IQSEC1: variants seen among roughly 807,000 people sequenced by gnomAD.
IQSEC1 encodes the protein IQ motif and Sec7 domain ArfGEF 1.
IQSEC1 carries 31 observed loss-of-function variants against 91.0 expected under a neutral mutation model. The ratio of observed to expected loss-of-function variants is 0.34; its 90% CI spans 0.26 to 0.46. The LOEUF (loss-of-function observed/expected upper bound fraction) is 0.46. Among genes scored for constraint, IQSEC1 ranks in the 20% least tolerant of loss-of-function variants. IQSEC1 has a pLI of 1.00. For missense variants in IQSEC1, 1,388 were observed against 1,575.6 expected, an observed-to-expected ratio of 0.88 and a Z score of 2.02; for synonymous variants, 699 against 662.6, an observed-to-expected ratio of 1.05 and a Z score of -0.84.
At chr3:13,011,349 G>A (rs1463547113) in intron 1 of IQSEC1, among the ~76,000 whole-genome samples, 1 of 152,178 alleles carries the variant, frequency 6.6e-6, no homozygotes, top group African/African-American at 2.4e-5. Flanking sequence ...TATTTTACTT[G>A]GGGATAATCA....
At chr3:12,989,075 C>CTTCCA (rs1161162548) in intron 1 of IQSEC1, among the ~76,000 whole-genome samples, 1 of 152,246 alleles carries the variant, frequency 6.6e-6, no homozygotes, top group Non-Finnish European at 1.5e-5. Context: ...TGGAAGAGTT[C>CTTCCA]TTCCATTGCA....
chr3:12,899,461 C>A lies in IQSEC1; in HGVS notation c.*1522G>T. ...TACAAAGTATGGCCCGTGGGTGACTCGGGCACAGACCTGCCGCGTGCAGGT... is the reference window on the plus strand; with the variant it reads ...TACAAAGTATGGCCCGTGGGTGACTAGGGCACAGACCTGCCGCGTGCAGGT... On this transcript the variant is annotated 3_prime_UTR_variant, in exon 14 of 14. Coordinates refer to ENST00000613206, the MANE Select transcript of IQSEC1 (RefSeq NM_001134382.3). The A allele has an allele frequency of 6.2e-7, 1 of 1,603,824 alleles. No homozygotes were observed. The highest frequency in any genetic ancestry group is 8.5e-7 in the Non-Finnish European group (1 of 1,175,828).
intron 2 of IQSEC1, among the ~76,000 whole-genome samples, chr3:13,132,204 T>C (rs560078034): frequency 2.2e-4 from 34 of 152,310 alleles, no homozygotes; most frequent in Middle Eastern, 3.4e-3. Flanking sequence ...TTTAAGCTTG[T>C]TAGGTGGGTC....
At chr3:13,086,018 G>A (rs529325230) in intron 2 of IQSEC1, among the ~76,000 whole-genome samples, 21 of 152,344 alleles carry the variant, frequency 1.4e-4, no homozygotes, top group Non-Finnish European at 2.1e-4. Flanking sequence ...AACTTGGGCC[G>A]CCGCAGGGCT....
At chr3:13,095,125 CT>C (rs1705932310) in intron 2 of IQSEC1, among the ~76,000 whole-genome samples, 1 of 152,008 alleles carries the variant, frequency 6.6e-6, no homozygotes. Context: ...GCCCAAGAAT[CT>C]ACCTCCATCT....
chr3:12,929,324 G>A (rs897733334), intron 3 of IQSEC1, among the ~76,000 whole-genome samples: 38 of 152,214 alleles, frequency 2.5e-4, no homozygotes, highest in Admixed American at 3.9e-4. Context: ...GAACTCACCC[G>A]GGGTGATGCC....
chr3:13,066,492 T>C (rs1705233827), intron 1 of IQSEC1, among the ~76,000 whole-genome samples: 6 of 152,166 alleles, frequency 3.9e-5, no homozygotes, highest in African/African-American at 9.7e-5. Flanking sequence ...CAGGCTGGGC[T>C]GTGAGGTCTG....
intron 1 of IQSEC1, among the ~76,000 whole-genome samples, chr3:13,272,652 C>T (rs1184259293): frequency 1.3e-5 from 2 of 152,160 alleles, no homozygotes; most frequent in Admixed American, 6.6e-5. Flanking sequence ...TCTCGATGTC[C>T]GGCAACTGCT....
chr3:13,051,722 C>T (rs1424652560), intron 1 of IQSEC1, among the ~76,000 whole-genome samples: 2 of 152,304 alleles, frequency 1.3e-5, no homozygotes, highest in African/African-American at 4.8e-5. Flanking sequence ...TGGTGGTCAT[C>T]CCCTTTCTTG....
At position 12,907,997 on chromosome 3, in the gene IQSEC1, G is replaced by A. The variant is rs1367806432; in HGVS notation, c.2755+352C>T. ...CAGCATGAAGCACAGGGACGCGGCC[G>A]CACAGAGAGCACGGGACACAGCCGC... On this transcript the variant is annotated intron_variant, in intron 12 of 13. Transcript: ENST00000613206. 2.6e-5 allele frequency among the ~76,000 whole-genome samples: 4 copies of A among 152,150 alleles called. No individual in the cohort carries two copies. In the East Asian group the frequency reaches 5.8e-4, roughly 22 times the overall value.
At chr3:13,199,893 A>G (rs1170645896) in intron 1 of IQSEC1, among the ~76,000 whole-genome samples, 1 of 151,796 alleles carries the variant, frequency 6.6e-6, no homozygotes, top group African/African-American at 2.4e-5. Flanking sequence ...CACACCACAC[A>G]CACACACAAC....
chr3:13,097,543 AC>A (rs751342364), intron 2 of IQSEC1, among the ~76,000 whole-genome samples: 6 of 152,072 alleles, frequency 3.9e-5, no homozygotes, highest in Non-Finnish European at 8.8e-5. Flanking sequence ...CCATCTGTGA[AC>A]CGGGGCTGGG....
chr3:13,225,891 T>TC (rs1174397678), intron 1 of IQSEC1, among the ~76,000 whole-genome samples: 3 of 151,644 alleles, frequency 2.0e-5, no homozygotes, highest in Non-Finnish European at 4.4e-5. Context: ...TTTTTTTTTC[T>TC]TTTTTTGAGA....
Position 13,166,147 on chromosome 3 carries a change from G to A in IQSEC1, c.273-2014C>T, listed in dbSNP as rs115418704. 3.9e-3 allele frequency among the ~76,000 whole-genome samples: 596 copies of A among 152,340 alleles called. 8 individuals carry two copies. The highest frequency in any genetic ancestry group is 0.014 in the African/African-American group (575 of 41,574). ...ATGGATTCAGCAGGACAGAACACAA[G>A]ACCATCAGCATTTGCTGTCTTCAGC... On this transcript the variant is annotated intron_variant, in intron 1 of 15. Transcript: ENST00000648114.
At chr3:13,151,398 C>T (rs932640291) in intron 2 of IQSEC1, among the ~76,000 whole-genome samples, 10 of 152,204 alleles carry the variant, frequency 6.6e-5, no homozygotes, top group Non-Finnish European at 1.5e-4. Flanking sequence ...AGCTGAAAAT[C>T]ATGGCCCAAC....
rs574185719 is a variant in IQSEC1 at position 13,230,623 on chromosome 3, G to C, written c.272+52088C>G. Among the ~76,000 whole-genome samples, 10 of 152,306 alleles carry C rather than the reference G, an allele frequency of 6.6e-5. No individual in the cohort carries two copies. In the East Asian group the frequency reaches 1.9e-3, roughly 29 times the overall value. The stretch of plus-strand genomic sequence containing the variant: ...TTGTCTTCAGGGTTGTACTGAAGCT[G>C]TGTTTCATCACCTGTTATAGTTCTT... On this transcript the variant is annotated intron_variant, in intron 1 of 15. Coordinates refer to the IQSEC1 transcript ENST00000648114.
intron 1 of IQSEC1, among the ~76,000 whole-genome samples, chr3:13,046,715 TC>T (rs1704509513): frequency 6.6e-6 from 1 of 151,974 alleles, no homozygotes; most frequent in East Asian, 1.9e-4. Flanking sequence ...GGTGCTCCCT[TC>T]CGGGACCACT....
chr3:13,080,659 A>G (rs1705634061), intron 2 of IQSEC1, among the ~76,000 whole-genome samples: 1 of 152,114 alleles, frequency 6.6e-6, no homozygotes, highest in African/African-American at 2.4e-5. Flanking sequence ...CCCAGCAGGC[A>G]TCCTTACCCA....
chr3:12,921,210 A>G (rs1696600187), intron 5 of IQSEC1, among the ~76,000 whole-genome samples: 1 of 152,154 alleles, frequency 6.6e-6, no homozygotes, highest in African/African-American at 2.4e-5. Context: ...AGGCAGGGAC[A>G]GAGTAGAGGA....
Sources: gnomAD v4.1 joint callset for allele counts (sites outside exome capture counted in the v4.1 genomes callset) on GRCh38, gnomAD v4.1.1 for gene constraint, MANE v1.5 for transcripts, NCBI Gene and HGNC (gene_info 2026-07-23, HGNC 2026-07-21) for gene names.